The following TMEM50A variants were observed in gnomAD, a reference collection of about 807,000 sequenced individuals.
TMEM50A encodes transmembrane protein 50A, also known as cervical cancer oncogene 9.
Under a neutral mutation model 23.9 loss-of-function variants are expected in TMEM50A, and 8 were observed. The observed-to-expected ratio is 0.33, with a 90% CI of 0.20 to 0.60. The LOEUF is 0.60. Among genes scored for constraint, TMEM50A ranks in the 20% least tolerant of loss-of-function variants. The pLI is 0.81. For missense variants in TMEM50A, 178 were observed against 192.7 expected (o/e 0.92, Z 0.45); for synonymous variants, 55 against 60.4 (o/e 0.91, Z 0.41).
At chr1:25,348,372 C>T (rs1163340114) in intron 3 of TMEM50A, among the ~76,000 whole-genome samples, 5 of 152,110 alleles carry the variant, frequency 3.3e-5, no homozygotes, top group East Asian at 3.8e-4. Context: ...CTGTGTATTA[C>T]TCTGTATTTT....
rs1013485412 is a variant in TMEM50A, at chr1:25,356,432, A to T, written c.368-361A>T. Among the ~76,000 whole-genome samples the T allele has an allele frequency of 2.6e-5, 4 of 152,136 alleles. No homozygotes were observed. In the South Asian group the frequency reaches 8.3e-4, roughly 32 times the overall value. Reference sequence around the variant, plus strand: ...GGGTCTTCCTGGCCATCTGTGTCCAATGTCACACTACACTTCTCCACCTTT... The same window carrying T: ...GGGTCTTCCTGGCCATCTGTGTCCATTGTCACACTACACTTCTCCACCTTT... On this transcript the variant is annotated intron_variant, in intron 5 of 6. Coordinates refer to ENST00000374358, the MANE Select transcript of TMEM50A (RefSeq NM_014313.4).
intron 3 of TMEM50A, among the ~76,000 whole-genome samples, chr1:25,344,817 AC>A (rs1645197514): frequency 6.6e-6 from 1 of 151,624 alleles, no homozygotes; most frequent in Non-Finnish European, 1.5e-5. Flanking sequence ...TTGGACAGTT[AC>A]TATGTGGAAT....
Position 25,354,504 on chromosome 1 carries a change from C to T in TMEM50A, c.367+1530C>T, listed in dbSNP as rs181209163. 3.2e-3 allele frequency among the ~76,000 whole-genome samples: 491 copies of T among 151,960 alleles called. 4 individuals are homozygous for T. Among genetic ancestry groups the T allele is most frequent in the African/African-American group, 0.012 (477 of 41,426 alleles). ...ACGTGCATGTGTGGTCCCAGCTACTCGGGAGACTGACGTGAGAGGATCACC... is the reference window on the plus strand; with the variant it reads ...ACGTGCATGTGTGGTCCCAGCTACTTGGGAGACTGACGTGAGAGGATCACC... On this transcript the variant is annotated intron_variant, in intron 5 of 6. Transcript: ENST00000374358.
chr1:25,343,073 TGTAA>T lies in TMEM50A; in HGVS notation c.206+3_206+6del, dbSNP rs1310726481. ...GTTATAGCAACCATAGCCTTCCTAA[TGTAA>T]GTGTCATCGTAATTGGCATTACTTA... On this transcript the variant is annotated splice_donor_variant and splice_donor_region_variant and intron_variant, in intron 3 of 6. Transcript: ENST00000374358. LOFTEE classifies it high-confidence loss of function. 1.9e-6 allele frequency: 3 copies of T among 1,604,048 alleles called. No individual in the cohort carries two copies. The highest frequency in any genetic ancestry group is 2.7e-5 in the African/African-American group (2 of 74,512).
At chr1:25,351,051 C>A (rs1645270331) in intron 3 of TMEM50A, among the ~76,000 whole-genome samples, 1 of 151,628 alleles carries the variant, frequency 6.6e-6, no homozygotes, top group Non-Finnish European at 1.5e-5. Flanking sequence ...GTAGTCCCAA[C>A]TACTCGGGAG....
chr1:25,350,614 CTCACCTCAGGTGA>C (rs1645265991), intron 3 of TMEM50A, among the ~76,000 whole-genome samples: 1 of 152,080 alleles, frequency 6.6e-6, no homozygotes, highest in Admixed American at 6.5e-5. Flanking sequence ...TCTTGAACTC[CTCACCTCAGGTGA>C]TCCGCCCACC....
At position 25,361,499 on chromosome 1, in the gene TMEM50A, T is replaced by A. The variant is rs1434872393; in HGVS notation, c.*794T>A. The A allele has an allele frequency of 3.9e-5, 6 of 152,160 alleles. No homozygotes were observed. The highest frequency in any genetic ancestry group is 5.9e-5 in the Non-Finnish European group (4 of 68,052). The allele number at this position is 152,160 out of a possible 1,614,324, so 9.4% of individuals were successfully genotyped here. A position where few individuals can be genotyped will look rare whatever the true frequency, so the allele number is the denominator to read the frequency against. ...GTAGTTGTTCTGATAATAAACTGGGTTCCATGTTGCATTTCATCTGTGTAC... is the reference window on the plus strand; with the variant it reads ...GTAGTTGTTCTGATAATAAACTGGGATCCATGTTGCATTTCATCTGTGTAC... On this transcript the variant is annotated 3_prime_UTR_variant, in exon 7 of 7. Coordinates refer to ENST00000374358, the MANE Select transcript of TMEM50A (RefSeq NM_014313.4).
rs1645400029 is a variant in TMEM50A at position 25,361,317 on chromosome 1, C to T, written c.*612C>T. ...CCCTGTGTCCCTTCCATGGGAAGGT[C>T]TTCCGCTGTGCCTCTCATTCCAAGG... On this transcript the variant is annotated 3_prime_UTR_variant, in exon 7 of 7. Transcript: ENST00000374358. 6.5e-6 allele frequency: 1 copy of T among 152,684 alleles called. No individual in the cohort carries two copies. Among genetic ancestry groups the T allele is most frequent in the Admixed American group, 6.5e-5 (1 of 15,324 alleles). The allele number at this position is 152,684 out of a possible 1,614,324, so 9.5% of individuals were successfully genotyped here.
intron 3 of TMEM50A, 51 bp from the exon 4 acceptor site, chr1:25,351,575 G>A (rs749174927): frequency 6.8e-7 from 1 of 1,466,142 alleles, no homozygotes; most frequent in South Asian, 1.2e-5. Flanking sequence ...TATTGTTTCT[G>A]GTAATTGGTG....
intron 4 of TMEM50A, among the ~76,000 whole-genome samples, chr1:25,352,423 C>T (rs1193737797): frequency 2.8e-5 from 4 of 140,764 alleles, no homozygotes; most frequent in South Asian, 4.6e-4. Flanking sequence ...TGAACCTGGG[C>T]GGGTGGAGCT....
At chr1:25,347,628 CTACAGT>C (rs1322291126) in intron 3 of TMEM50A, among the ~76,000 whole-genome samples, 1 of 152,304 alleles carries the variant, frequency 6.6e-6, no homozygotes, top group Admixed American at 6.5e-5. Flanking sequence ...TTAAATTTTG[CTACAGT>C]TACTTAAGTG....
chr1:25,352,792 T>A, intron 4 of TMEM50A, 90 bp from the exon 5 acceptor site: 1 of 1,239,232 alleles, frequency 8.1e-7, no homozygotes, highest in Non-Finnish European at 1.1e-6. Context: ...TTGCACTTTT[T>A]TTTTTTCTGT....
intron 3 of TMEM50A, among the ~76,000 whole-genome samples, chr1:25,345,903 T>C (rs1054456148): frequency 4.6e-5 from 7 of 151,710 alleles, no homozygotes; most frequent in Non-Finnish European, 1.0e-4. Context: ...TTCTCCTGCA[T>C]CAGCCTCCCC....
At chr1:25,345,909 T>G (rs898542485) in intron 3 of TMEM50A, among the ~76,000 whole-genome samples, 2 of 151,550 alleles carry the variant, frequency 1.3e-5, no homozygotes, top group African/African-American at 4.8e-5. Context: ...TGCATCAGCC[T>G]CCCCAAGTAG....
chr1:25,355,938 GC>G (rs1288496506), intron 5 of TMEM50A, among the ~76,000 whole-genome samples: 2 of 152,084 alleles, frequency 1.3e-5, no homozygotes, highest in African/African-American at 4.8e-5. Context: ...TTCCTCCCAC[GC>G]CCCATATCCA....
chr1:25,348,932 T>A (rs1043867811), intron 3 of TMEM50A, among the ~76,000 whole-genome samples: 1 of 152,076 alleles, frequency 6.6e-6, no homozygotes, highest in African/African-American at 2.4e-5. Flanking sequence ...GAAAGACAAG[T>A]TGTGGTGGCC....
chr1:25,352,366 G>A (rs1414691188), intron 4 of TMEM50A, among the ~76,000 whole-genome samples: 2 of 151,868 alleles, frequency 1.3e-5, no homozygotes, highest in African/African-American at 4.8e-5. Flanking sequence ...GTGGTGGCGG[G>A]TGCCTGTAGT....
intron 2 of TMEM50A, among the ~76,000 whole-genome samples, chr1:25,342,333 CTG>C (rs913572007): frequency 1.3e-5 from 2 of 151,376 alleles, no homozygotes; most frequent in African/African-American, 4.8e-5. Context: ...ATGATAAAAA[CTG>C]TTTTTGAAGT....
intron 1 of TMEM50A, chr1:25,338,763 C>G (rs1645131667): frequency 6.6e-6 from 1 of 152,216 alleles, no homozygotes; most frequent in African/African-American, 2.4e-5. Context: ...GCCGAAGCCC[C>G]GAGAAAGGAG....
Sources: allele counts gnomAD v4.1 joint callset (sites outside exome capture counted in the v4.1 genomes callset), GRCh38; gene constraint gnomAD v4.1.1; transcripts MANE v1.5; gene names NCBI Gene and HGNC (gene_info 2026-07-23, HGNC 2026-07-21).